MAD1L1: variants seen among roughly 807,000 people sequenced by gnomAD.
MAD1L1 encodes the protein mitotic spindle assembly checkpoint protein MAD1.
Under a neutral mutation model 96.9 loss-of-function variants are expected in MAD1L1, and 95 were observed. That is an observed-to-expected ratio of 0.98 (90% CI 0.83 to 1.16). The LOEUF is 1.16. Among genes scored for constraint, MAD1L1 ranks in the 50% most tolerant of loss-of-function variants. The pLI is 0.00. For synonymous variants in MAD1L1, 473 were observed against 396.6 expected (o/e 1.19, Z -2.29); for missense variants, 1,007 against 954.4 (o/e 1.06, Z -0.73).
chr7:2,106,642 C>A (rs1272915512), intron 11 of MAD1L1, among the ~76,000 whole-genome samples: 1 of 152,258 alleles, frequency 6.6e-6, no homozygotes, highest in Non-Finnish European at 1.5e-5. Flanking sequence ...GCTAGCATAG[C>A]CCGTCACACT....
At chr7:2,014,738 CG>C in intron 12 of MAD1L1, 96 bp from the exon 13 acceptor site, 4 of 1,379,300 alleles carry the variant, frequency 2.9e-6, no homozygotes, top group East Asian at 2.6e-5. Flanking sequence ...CTGGGTCACG[CG>C]GGGGCTCCCT....
At position 2,215,905 on chromosome 7, in the gene MAD1L1, C is replaced by A. The variant is rs1160799280; in HGVS notation, c.904G>T (p.Gly302Cys). The change falls in exon 9 of 19, where the codon GGC becomes TGC. Residue 302 changes from glycine to cysteine, a missense_variant. Gly to Cys is a radical substitution (Grantham distance 159, BLOSUM62 -3). Coordinates refer to ENST00000265854, the MANE Select transcript of MAD1L1 (RefSeq NM_001013836.2). ...CTCACCTCGTTCTCCAGCTCCAAGC[C>A]AACCAGCGTCTCCTGCATCTTCTCC... ...RQEKMQETLV[G>C]LELENERLLA... 1.2e-6 allele frequency: 2 copies of A among 1,614,222 alleles called. No homozygotes were observed. The highest frequency in any genetic ancestry group is 1.7e-6 in the Non-Finnish European group (2 of 1,180,032).
chr7:2,041,951 T>G (rs1217560786), intron 12 of MAD1L1, among the ~76,000 whole-genome samples: 2 of 152,114 alleles, frequency 1.3e-5, no homozygotes, highest in Non-Finnish European at 2.9e-5. Context: ...AGAGCCTGCA[T>G]CCTACCCAGC....
rs1178528887 is a variant in MAD1L1, at chr7:1,886,823, C to T, written c.1998+11377G>A. 3.3e-5 allele frequency among the ~76,000 whole-genome samples: 5 copies of T among 152,246 alleles called. No individual in the cohort carries two copies. In the East Asian group the frequency reaches 9.6e-4, roughly 29 times the overall value. On this transcript the variant is annotated intron_variant, in intron 18 of 18. Transcript: ENST00000265854. ...TGGGGCAGCAGGTGAGGAGTGAGCA[C>T]AGGTCTGTGGCCCTAGCCCTGCACC...
intron 16 of MAD1L1, chr7:1,940,075 T>TG (rs1261562290): frequency 6.6e-6 from 1 of 152,308 alleles, no homozygotes; most frequent in Non-Finnish European, 1.5e-5. Flanking sequence ...CCAGTGGAGA[T>TG]GGACATGCTG....
At position 1,856,540 on chromosome 7, in the gene MAD1L1, G is replaced by A. The variant is rs1209516778; in HGVS notation, c.1999-40312C>T. 2.0e-5 allele frequency among the ~76,000 whole-genome samples: 3 copies of A among 152,348 alleles called. No individual in the cohort carries two copies. In the East Asian group the frequency reaches 5.8e-4, roughly 29 times the overall value. ...CTACGAGCAGGTAATTTCTCATTGGGGCCTGCTCGCTCTCTGCTTATCACC... is the reference window on the plus strand; with the variant it reads ...CTACGAGCAGGTAATTTCTCATTGGAGCCTGCTCGCTCTCTGCTTATCACC... On this transcript the variant is annotated intron_variant, in intron 18 of 18. Coordinates refer to ENST00000265854, the MANE Select transcript of MAD1L1 (RefSeq NM_001013836.2).
At chr7:2,177,745 A>T (rs1791012216) in intron 10 of MAD1L1, among the ~76,000 whole-genome samples, 2 of 152,228 alleles carry the variant, frequency 1.3e-5, no homozygotes, top group Non-Finnish European at 2.9e-5. Flanking sequence ...AGTCTTTGTC[A>T]TCTGTGAAAA....
chr7:2,121,464 A>G (rs4719443), intron 11 of MAD1L1, among the ~76,000 whole-genome samples: 45,871 of 152,214 alleles, frequency 0.3, 8,631 homozygotes, highest in East Asian at 0.58. Context: ...GGTCGTTAAC[A>G]GAGTCCCGGT....
At chr7:1,866,252 C>T (rs979117779) in intron 18 of MAD1L1, among the ~76,000 whole-genome samples, 23 of 152,220 alleles carry the variant, frequency 1.5e-4, no homozygotes, top group African/African-American at 4.8e-4. Context: ...GTGCAGAGCC[C>T]GGGTGCGCTC....
chr7:1,928,530 G>C (rs1038046601), intron 17 of MAD1L1, among the ~76,000 whole-genome samples: 1 of 152,228 alleles, frequency 6.6e-6, no homozygotes, highest in African/African-American at 2.4e-5. Flanking sequence ...GCAGGACCCA[G>C]GCAGACGATC....
chr7:1,993,227 G>A (rs968505846), intron 14 of MAD1L1, among the ~76,000 whole-genome samples: 1 of 152,176 alleles, frequency 6.6e-6, no homozygotes. Context: ...TGACATGCAG[G>A]TGACTGAGAT....
At chr7:1,871,472 G>A (rs1785093699) in intron 18 of MAD1L1, among the ~76,000 whole-genome samples, 1 of 145,834 alleles carries the variant, frequency 6.9e-6, no homozygotes, top group Non-Finnish European at 1.5e-5. Flanking sequence ...ACATATGCCT[G>A]CCACGCTGAA....
chr7:1,929,204 T>C (rs1328430797), intron 17 of MAD1L1, among the ~76,000 whole-genome samples: 3 of 151,870 alleles, frequency 2.0e-5, no homozygotes, highest in Non-Finnish European at 4.4e-5. Context: ...TTCTCCTCCC[T>C]GGTATCTCTT....
Position 2,222,687 on chromosome 7 carries a change from G to T in MAD1L1, c.359C>A (p.Ala120Glu), listed in dbSNP as rs1005502720. The T allele has an allele frequency of 6.2e-7, 1 of 1,612,042 alleles. No homozygotes were observed. The highest frequency in any genetic ancestry group is 8.5e-7 in the Non-Finnish European group (1 of 1,179,804). ...CAGCTGCTCCTGCATCTTCTCCTCC[G>T]CCCCGGCCTCCCGCTCCTGAAGCTG... ...IRQLQEREAG[A>E]EEKMQEQLER... is the part of the protein sequence containing the mutation. Residue 120 changes from alanine (A) to glutamate (E), a missense_variant, in exon 5 of 19, where the codon GCG becomes GAG. Coordinates refer to ENST00000265854, the MANE Select transcript of MAD1L1 (RefSeq NM_001013836.2).
chr7:2,052,891 T>A (rs1306989848), intron 12 of MAD1L1, among the ~76,000 whole-genome samples: 1 of 151,594 alleles, frequency 6.6e-6, no homozygotes, highest in Non-Finnish European at 1.5e-5. Context: ...CATGGGGAGA[T>A]AGGAAGCCAT....
chr7:2,219,326 G>A lies in MAD1L1; in HGVS notation c.596+6C>T, dbSNP rs375780206. The A allele has an allele frequency of 3.9e-5, 60 of 1,542,642 alleles. No homozygotes were observed. Among genetic ancestry groups the A allele is most frequent in the Non-Finnish European group, 5.0e-5 (57 of 1,141,600 alleles). ...ACCCCCGACCCCACACCCTGGCCCC[G>A]CCCACTTGTGTTGCAGGTCCAGCTG... On this transcript the variant is annotated splice_donor_region_variant and intron_variant, in intron 6 of 18. Coordinates refer to ENST00000265854, the MANE Select transcript of MAD1L1 (RefSeq NM_001013836.2).
At chr7:2,210,073 ACCCAGAAAT>A (rs1470174182) in intron 10 of MAD1L1, 3 of 152,246 alleles carry the variant, frequency 2.0e-5, no homozygotes, top group Non-Finnish European at 4.4e-5. Context: ...TCTCAGGTTT[ACCCAGAAAT>A]CCACTTTGGT....
intron 17 of MAD1L1, among the ~76,000 whole-genome samples, chr7:1,919,412 TGGCTGGCACTGAAGG>T (rs1205851112): frequency 1.1e-4 from 17 of 152,326 alleles, no homozygotes; most frequent in African/African-American, 4.1e-4. Context: ...GAGGTCCAGG[TGGCTGGCACTGAAGG>T]CAGAACTGTA....
chr7:2,066,626 G>A (rs1325013415), intron 12 of MAD1L1, among the ~76,000 whole-genome samples: 4 of 152,220 alleles, frequency 2.6e-5, no homozygotes, highest in Non-Finnish European at 5.9e-5. Context: ...GAGCGGGCCG[G>A]GGTGGCCATC....
Sources: gnomAD v4.1 joint callset for allele counts (sites outside exome capture counted in the v4.1 genomes callset) on GRCh38, gnomAD v4.1.1 for gene constraint, MANE v1.5 for transcripts, NCBI Gene and HGNC (gene_info 2026-07-23, HGNC 2026-07-21) for gene names.